Variants in TECTA observed in about 807,000 individuals in gnomAD.
The protein encoded by TECTA is alpha-tectorin.
Under a neutral mutation model 216.8 loss-of-function variants are expected in TECTA, and 128 were observed. The ratio of observed to expected loss-of-function variants is 0.59; its 90% CI spans 0.51 to 0.68. TECTA has a LOEUF of 0.68. TECTA is among the 30% of genes least tolerant of loss of function. TECTA has a pLI of 0.00. For synonymous variants in TECTA, 1,089 were observed against 1,117.1 expected, an observed-to-expected ratio of 0.97 and a Z score of 0.50; for missense variants, 2,551 against 2,786.2, an observed-to-expected ratio of 0.92 and a Z score of 1.90.
chr11:121,129,576 C>T, intron 9 of TECTA, 62 bp from the exon 10 acceptor site: 1 of 1,553,946 alleles, frequency 6.4e-7, no homozygotes, highest in Non-Finnish European at 8.9e-7. Flanking sequence ...TATCCCACAG[C>T]CTAGGAAATG....
chr11:121,141,086 A>ACT (rs1307855347), intron 11 of TECTA: 1 of 152,016 alleles, frequency 6.6e-6, no homozygotes, highest in Non-Finnish European at 1.5e-5. Context: ...CAGCTTTCAA[A>ACT]CTCTTGACAA....
At chr11:121,188,858 G>T (rs2134216656) in intron 21 of TECTA, among the ~76,000 whole-genome samples, 1 of 152,284 alleles carries the variant, frequency 6.6e-6, no homozygotes, top group South Asian at 2.1e-4. Flanking sequence ...TTTTAAAAAG[G>T]AAAATTACTA....
intron 20 of TECTA, 88 bp downstream of exon 20, chr11:121,169,013 T>C: frequency 6.9e-6 from 11 of 1,605,506 alleles, no homozygotes; most frequent in Non-Finnish European, 9.4e-6. Flanking sequence ...TGGAAACTAA[T>C]ATTTGTTGGC....
intron 12 of TECTA, among the ~76,000 whole-genome samples, chr11:121,150,868 T>A (rs940474834): frequency 2.6e-5 from 4 of 152,044 alleles, no homozygotes; most frequent in Non-Finnish European, 4.4e-5. Flanking sequence ...ATGGTCTCGA[T>A]CTCTTGACCT....
intron 4 of TECTA, among the ~76,000 whole-genome samples, chr11:121,112,510 A>ACTT (rs1233890980): frequency 1.3e-5 from 2 of 152,234 alleles, no homozygotes; most frequent in Admixed American, 6.5e-5. Context: ...TAGAGGAGTA[A>ACTT]CTTCTCCCCA....
Position 121,118,544 on chromosome 11 carries a change from C to A in TECTA, c.1029C>A (p.Ser343=). 1 of 1,614,192 alleles carries A rather than the reference C, an allele frequency of 6.2e-7. No individual in the cohort carries two copies. The highest frequency in any genetic ancestry group is 8.5e-7 in the Non-Finnish European group (1 of 1,180,040). Reference sequence around the variant, plus strand: ...GCTTCCTCTTCCACTTCCAAGGCTCCTGTGCCTACTTGCTGGCCCGACAGT... The same window carrying A: ...GCTTCCTCTTCCACTTCCAAGGCTCATGTGCCTACTTGCTGGCCCGACAGT... ...FDGFLFHFQG[S]CAYLLARQCL... The change falls in exon 7 of 24, where the codon TCC becomes TCA. Residue 343 remains serine (S), a synonymous_variant. Coordinates refer to ENST00000392793, the MANE Select transcript of TECTA (RefSeq NM_005422.4).
Position 121,105,483 on chromosome 11 carries a change from C to T in TECTA, c.65-348C>T, listed in dbSNP as rs1946382022. Among the ~76,000 whole-genome samples, 2 of 152,206 alleles carry T rather than the reference C, an allele frequency of 1.3e-5. No individual in the cohort carries two copies. The highest frequency in any genetic ancestry group is 1.3e-4 in the Admixed American group (2 of 15,288). On this transcript the variant is annotated intron_variant, in intron 2 of 23. Transcript: ENST00000392793. The surrounding 1 kb of genome is among the most constrained non-coding windows in gnomAD (Gnocchi z 5.3). Reference sequence around the variant, plus strand: ...GCTTCAAAACTGTGGCCATGCCAGACCTAGAGGCTGCCTCTCAGTATCCAG... The same window carrying T: ...GCTTCAAAACTGTGGCCATGCCAGATCTAGAGGCTGCCTCTCAGTATCCAG...
At chr11:121,115,274 A>C (rs907863591) in intron 6 of TECTA, among the ~76,000 whole-genome samples, 2 of 151,740 alleles carry the variant, frequency 1.3e-5, no homozygotes, top group Non-Finnish European at 2.9e-5. Flanking sequence ...CCCATCCATC[A>C]AGTCATCCAG....
Position 121,137,403 on chromosome 11 carries a change from C to G in TECTA, c.2942-18C>G, listed in dbSNP as rs773755238. Reference sequence around the variant, plus strand: ...TTTGTCCTTTTCTCAAACCCGTCTTCTCCTTGACCACCTGCAGCACTGGAG... The same window carrying G: ...TTTGTCCTTTTCTCAAACCCGTCTTGTCCTTGACCACCTGCAGCACTGGAG... On this transcript the variant is annotated intron_variant, in intron 10 of 23. Transcript: ENST00000392793. 11 of 1,613,848 alleles carry G rather than the reference C, an allele frequency of 6.8e-6. No homozygotes were observed. In the East Asian group the frequency reaches 2.5e-4, roughly 36 times the overall value.
intron 3 of TECTA, among the ~76,000 whole-genome samples, chr11:121,108,577 CAT>C (rs1419740700): frequency 6.9e-6 from 1 of 144,844 alleles, no homozygotes. Flanking sequence ...CACACACACA[CAT>C]CCCAGTATAC....
Position 121,113,138 on chromosome 11 carries a change from G to T in TECTA, c.553G>T (p.Glu185Ter). ...TACATTCACCCTCTTCAATTATTAC[G>T]AAATCAACTGGACCACGGGGACGGC... Reference protein sequence around the residue: ...SYTFTLFNYYEINWTTGTASG... With the variant: ...SYTFTLFNYY Residue 185 changes from glutamate to a stop codon, truncating the protein, a stop_gained, in exon 5 of 24, where the codon GAA becomes TAA. Transcript: ENST00000392793. LOFTEE classifies it high-confidence loss of function. The surrounding 1 kb of genome is among the most constrained non-coding windows in gnomAD (Gnocchi z 4.2). 1.2e-6 allele frequency: 2 copies of T among 1,614,040 alleles called. No homozygotes were observed.
chr11:121,130,156 C>A lies in TECTA; in HGVS notation c.2886C>A (p.Ser962Arg). 1.9e-6 allele frequency: 3 copies of A among 1,607,366 alleles called. No homozygotes were observed. Among genetic ancestry groups the A allele is most frequent in the East Asian group, 2.2e-5 (1 of 44,882 alleles). ...ELCDSVARYASACKNADVEVG... is the reference protein window; with the variant it reads ...ELCDSVARYARACKNADVEVG... The stretch of plus-strand genomic sequence containing the variant: ...GTGACTCTGTGGCCCGGTATGCAAG[C>A]GCCTGCAAGAATGCGGACGTGGAGG... Residue 962 changes from serine to arginine, a missense_variant, in exon 10 of 24, where the codon AGC (serine) becomes AGA (arginine). Around this residue, in one of 3 missense-constraint regions of TECTA, gnomAD observed 2,375 missense variants for 2,563.9 expected, o/e 0.93. Transcript: ENST00000392793.
rs1591456549 is a variant in TECTA at position 121,153,089 on chromosome 11, G to A, written c.4305+9G>A. ...ATGGCAAATATTACGAGGTATGGGA[G>A]GCCAGCCCGGCCTTTTCCTCCTTGC... is the stretch of plus-strand genomic sequence containing the variant. On this transcript the variant is annotated intron_variant, in intron 13 of 23. Coordinates refer to ENST00000392793, the MANE Select transcript of TECTA (RefSeq NM_005422.4). The A allele has an allele frequency of 2.5e-6, 4 of 1,610,218 alleles. No individual in the cohort carries two copies. Among genetic ancestry groups the A allele is most frequent in the Non-Finnish European group, 3.4e-6 (4 of 1,178,496 alleles).
At chr11:121,184,855 G>T (rs887369367) in intron 20 of TECTA, among the ~76,000 whole-genome samples, 1 of 152,216 alleles carries the variant, frequency 6.6e-6, no homozygotes, top group South Asian at 2.1e-4. Context: ...AGGGAGGGAC[G>T]TGGTGACTAC....
chr11:121,173,008 T>C (rs967930306), intron 20 of TECTA, among the ~76,000 whole-genome samples: 7 of 150,922 alleles, frequency 4.6e-5, no homozygotes, highest in African/African-American at 1.7e-4. Flanking sequence ...TGTCTGTTCA[T>C]GTCCTTCACC....
At chr11:121,187,699 A>T in intron 20 of TECTA, 133 bp from the exon 21 acceptor site, 1 of 935,642 alleles carries the variant, frequency 1.1e-6, no homozygotes, top group African/African-American at 1.6e-5. Context: ...TCCAGGGGTC[A>T]CTTTCAAATG....
At position 121,129,801 on chromosome 11, in the gene TECTA, G is replaced by A. The variant is rs1311052444; in HGVS notation, c.2531G>A (p.Cys844Tyr). Reference protein sequence around the residue: ...YIRLSTTYFNCTGGLCGFYNA... With the variant: ...YIRLSTTYFNYTGGLCGFYNA... ...CGGCTGTCCACCACATACTTCAATT[G>A]CACAGGGGGCTTGTGCGGCTTCTAC... Residue 844 changes from cysteine (C) to tyrosine (Y), a missense_variant, in exon 10 of 24, where the codon TGC (cysteine) becomes TAC (tyrosine). Cys to Tyr is a radical substitution (Grantham distance 194). Coordinates refer to ENST00000392793, the MANE Select transcript of TECTA (RefSeq NM_005422.4). The A allele has an allele frequency of 6.2e-7, 1 of 1,614,184 alleles. No individual in the cohort carries two copies. The highest frequency in any genetic ancestry group is 1.7e-5 in the Admixed American group (1 of 60,024).
rs763945098 is a variant in TECTA, at chr11:121,162,171, C to G, written c.5073C>G (p.Cys1691Trp). 6.2e-7 allele frequency: 1 copy of G among 1,614,190 alleles called. No homozygotes were observed. The highest frequency in any genetic ancestry group is 8.5e-7 in the Non-Finnish European group (1 of 1,180,050). Reference protein sequence around the residue: ...HIQKMQGDGYCLKLTDMKGFF... With the variant: ...HIQKMQGDGYWLKLTDMKGFF... ...AGAAGATGCAGGGTGATGGCTACTGCCTGAAGCTCACCGACATGAAGGGCT... is the reference window on the plus strand; with the variant it reads ...AGAAGATGCAGGGTGATGGCTACTGGCTGAAGCTCACCGACATGAAGGGCT... Residue 1691 changes from cysteine (C) to tryptophan (W), a missense_variant, in exon 16 of 24, where the codon TGC becomes TGG. This residue lies in a region of TECTA where 2,375 missense variants were observed against 2,563.9 expected (regional missense o/e 0.93). Transcript: ENST00000392793.
chr11:121,153,012 G>A lies in TECTA; in HGVS notation c.4237G>A (p.Val1413Ile), dbSNP rs753876301. The A allele has an allele frequency of 2.2e-5, 35 of 1,614,080 alleles. No individual in the cohort carries two copies. Among genetic ancestry groups the A allele is most frequent in the Middle Eastern group, 1.6e-4 (1 of 6,084 alleles). The stretch of plus-strand genomic sequence containing the variant: ...GGGCTGTCACTGCGACGCTGGCTAC[G>A]TCCTCAACGGCAAGAGCTGCATCCT... ...VEGCHCDAGY[V>I]LNGKSCILPH... is the part of the protein sequence containing the mutation. Residue 1413 changes from valine (V) to isoleucine (I), a missense_variant, in exon 13 of 24, where the codon GTC (valine) becomes ATC (isoleucine). Val to Ile is a conservative substitution (Grantham distance 29). Around this residue, in one of 3 missense-constraint regions of TECTA, gnomAD observed 2,375 missense variants for 2,563.9 expected, o/e 0.93. Coordinates refer to ENST00000392793, the MANE Select transcript of TECTA (RefSeq NM_005422.4).
Sources: allele counts gnomAD v4.1 joint callset (sites outside exome capture counted in the v4.1 genomes callset), GRCh38; gene constraint gnomAD v4.1.1; regional missense constraint gnomAD v4.1.1; non-coding constraint Gnocchi (gnomAD v3.1); transcripts MANE v1.5; gene names NCBI Gene and HGNC (gene_info 2026-07-23, HGNC 2026-07-21).